The following PBLD variants were observed in gnomAD, a reference collection of about 807,000 sequenced individuals.
PBLD encodes phenazine biosynthesis-like domain-containing protein.
Under a neutral mutation model 31.3 loss-of-function variants are expected in PBLD, and 26 were observed. The ratio of observed to expected loss-of-function variants is 0.83; its 90% CI spans 0.61 to 1.15. The LOEUF is 1.15. PBLD is among the 50% of genes most tolerant of loss of function. The pLI is 0.00. For missense variants in PBLD, 307 were observed against 351.7 expected (o/e 0.87, Z 1.02); for synonymous variants, 114 against 129.0 (o/e 0.88, Z 0.79).
intron 4 of PBLD, 61 bp from the exon 5 acceptor site, chr10:68,292,299 T>C: frequency 2.2e-6 from 3 of 1,351,772 alleles, no homozygotes; most frequent in Non-Finnish European, 2.1e-6. Flanking sequence ...GCATGTCCAT[T>C]TCAAACACCT....
rs2044252528 is a variant in PBLD at position 68,283,534 on chromosome 10, C to G, written c.*643G>C. On this transcript the variant is annotated 3_prime_UTR_variant, in exon 10 of 10. Transcript: ENST00000358769. Reference sequence around the variant, plus strand: ...ATTTTAATGGCTGCAAAATCAGGTACTCATTTAAGCTCAAATGGTTTAGTA... The same window carrying G: ...ATTTTAATGGCTGCAAAATCAGGTAGTCATTTAAGCTCAAATGGTTTAGTA... 1 of 152,156 alleles carries G rather than the reference C, an allele frequency of 6.6e-6. No individual in the cohort carries two copies. The highest frequency in any genetic ancestry group is 1.5e-5 in the Non-Finnish European group (1 of 68,054). 9.4% of individuals were successfully genotyped at this position (152,156 alleles called of 1,614,324 possible).
At chr10:68,318,129 A>G (rs2044761546) in intron 1 of PBLD, among the ~76,000 whole-genome samples, 1 of 151,762 alleles carries the variant, frequency 6.6e-6, no homozygotes, top group Non-Finnish European at 1.5e-5. Flanking sequence ...TGGGAGGCTG[A>G]GCCAGGAGAA....
chr10:68,294,459 A>G (rs2044398703), intron 4 of PBLD, among the ~76,000 whole-genome samples: 1 of 152,200 alleles, frequency 6.6e-6, no homozygotes, highest in Non-Finnish European at 1.5e-5. Context: ...CTGCTTGCCC[A>G]GAGTGCTAGT....
At position 68,306,267 on chromosome 10, in the gene PBLD, C is replaced by T. The variant is rs1286149322; in HGVS notation, c.84+494G>A. Among the ~76,000 whole-genome samples, 3 of 152,170 alleles carry T rather than the reference C, an allele frequency of 2.0e-5. No homozygotes were observed. In the East Asian group the frequency reaches 5.8e-4, roughly 29 times the overall value. ...TCAGTAAGTTATTTATATACTATAG[C>T]TTAATTCCTTCTACCTCTCTACTTA... On this transcript the variant is annotated intron_variant, in intron 2 of 9. Coordinates refer to ENST00000358769, the MANE Select transcript of PBLD (RefSeq NM_022129.4).
intron 1 of PBLD, among the ~76,000 whole-genome samples, chr10:68,324,502 A>G (rs1234528333): frequency 6.6e-6 from 1 of 151,844 alleles, no homozygotes; most frequent in Admixed American, 6.6e-5. Context: ...AGCCTCCTGT[A>G]TCTATCCCTA....
intron 1 of PBLD, among the ~76,000 whole-genome samples, chr10:68,330,433 G>A (rs59788611): frequency 0.11 from 16,199 of 152,080 alleles, 970 homozygotes; most frequent in East Asian, 0.19. Flanking sequence ...TCTTTTGGCC[G>A]GACATTGAAG....
rs578088480 is a variant in PBLD at position 68,284,429 on chromosome 10, C to T, written c.755-140G>A. 2.5e-4 allele frequency: 169 copies of T among 677,746 alleles called. 4 individuals are homozygous for T. The South Asian group carries it at 3.0e-3, about 12-fold the overall frequency. 42.0% of individuals were successfully genotyped at this position (677,746 alleles called of 1,614,324 possible). A position where few individuals can be genotyped will look rare whatever the true frequency, so the allele number is the denominator to read the frequency against. On this transcript the variant is annotated intron_variant, in intron 9 of 9. Transcript: ENST00000358769. ...ATTCCTTCGTCTGTTTATGGTACTGCCCACTCCCATCCCCATTCTCCTGCA... is the reference window on the plus strand; with the variant it reads ...ATTCCTTCGTCTGTTTATGGTACTGTCCACTCCCATCCCCATTCTCCTGCA...
At chr10:68,294,709 C>T (rs1341842474) in intron 4 of PBLD, among the ~76,000 whole-genome samples, 2 of 152,158 alleles carry the variant, frequency 1.3e-5, no homozygotes, top group Admixed American at 6.5e-5. Flanking sequence ...CAATTTCTCC[C>T]TCTATTCAAT....
chr10:68,320,050 C>T (rs574374979), intron 1 of PBLD, among the ~76,000 whole-genome samples: 108 of 151,998 alleles, frequency 7.1e-4, no homozygotes, highest in African/African-American at 2.6e-3. Context: ...CTCAAACTAC[C>T]GACCTCAGGT....
chr10:68,332,844 G>C lies in PBLD; in HGVS notation c.-120C>G, dbSNP rs2134620338. The C allele has an allele frequency of 6.6e-6, 1 of 152,500 alleles. No individual in the cohort carries two copies. The highest frequency in any genetic ancestry group is 2.1e-4 in the South Asian group (1 of 4,828). The allele number at this position is 152,500 out of a possible 1,614,324, so 9.4% of individuals were successfully genotyped here. A position where few individuals can be genotyped will look rare whatever the true frequency, so the allele number is the denominator to read the frequency against. ...GATTCCCAAGATGAGAGAGGCTGGA[G>C]CTGGGGGAGGAAAGCCAATGGCGAC... On this transcript the variant is annotated 5_prime_UTR_variant, in exon 1 of 10. Transcript: ENST00000358769.
chr10:68,323,457 G>A (rs2044866432), intron 1 of PBLD, among the ~76,000 whole-genome samples: 1 of 152,148 alleles, frequency 6.6e-6, no homozygotes, highest in African/African-American at 2.4e-5. Context: ...AGCTACTCAG[G>A]AGGCTGAGGC....
In PBLD at chr10:68,299,778, G is replaced by A. The variant is rs549978399; in HGVS notation, c.85-2793C>T. Among the ~76,000 whole-genome samples the A allele has an allele frequency of 5.3e-5, 8 of 152,186 alleles. No individual in the cohort carries two copies. The East Asian group carries it at 1.2e-3, about 22-fold the overall frequency. On this transcript the variant is annotated intron_variant, in intron 2 of 9. Coordinates refer to ENST00000358769, the MANE Select transcript of PBLD (RefSeq NM_022129.4). ...GGTTGAGCAGTAGTCACTTGAACCC[G>A]GGAGGCAGAGGTTGCAGTGAGCCGA...
At chr10:68,312,973 C>T (rs531839844) in intron 1 of PBLD, among the ~76,000 whole-genome samples, 190 of 151,998 alleles carry the variant, frequency 1.3e-3, no homozygotes, top group Non-Finnish European at 2.4e-3. Context: ...GGTGGTGGTG[C>T]GATCAATCAC....
chr10:68,292,284 T>C, intron 4 of PBLD, 46 bp from the exon 5 acceptor site: 1 of 1,475,430 alleles, frequency 6.8e-7, no homozygotes, highest in Non-Finnish European at 9.4e-7. Context: ...CTTTGTCATA[T>C]ATGCGCATGT....
chr10:68,314,883 G>A (rs2044716553), intron 1 of PBLD, among the ~76,000 whole-genome samples: 2 of 151,938 alleles, frequency 1.3e-5, no homozygotes, highest in South Asian at 4.2e-4. Context: ...TCTACCTCCT[G>A]GGTTCAAGCG....
intron 9 of PBLD, chr10:68,285,094 CTATTTTATTCAACAAACACT>C: frequency 7.6e-7 from 1 of 1,308,672 alleles, no homozygotes; most frequent in Non-Finnish European, 9.7e-7. Flanking sequence ...AGTTATACAG[CTATTTTATTCAACAAACACT>C]TATTGGGCAG....
intron 1 of PBLD, among the ~76,000 whole-genome samples, chr10:68,312,854 G>T (rs186994627): frequency 1.3e-5 from 2 of 151,710 alleles, no homozygotes; most frequent in African/African-American, 4.8e-5. Context: ...CTTGAGATCC[G>T]CCCACCTCGG....
chr10:68,311,585 C>CA (rs200817347), intron 1 of PBLD, among the ~76,000 whole-genome samples: 6,158 of 141,728 alleles, frequency 0.043, 198 homozygotes, highest in East Asian at 0.18. Flanking sequence ...GACACTGTGT[C>CA]AAAAAAAAAA....
At chr10:68,292,809 C>T (rs928173046) in intron 4 of PBLD, among the ~76,000 whole-genome samples, 3 of 152,086 alleles carry the variant, frequency 2.0e-5, no homozygotes, top group Admixed American at 6.5e-5. Context: ...CACACCTGGC[C>T]AGCCTCCTTA....
Sources: gnomAD v4.1 joint callset for allele counts (sites outside exome capture counted in the v4.1 genomes callset) on GRCh38, gnomAD v4.1.1 for gene constraint, MANE v1.5 for transcripts, NCBI Gene and HGNC (gene_info 2026-07-23, HGNC 2026-07-21) for gene names.